The following MYO18B variants were observed in gnomAD, a reference collection of about 807,000 sequenced individuals.
The protein encoded by MYO18B is unconventional myosin-XVIIIb.
Under a neutral mutation model 273.0 loss-of-function variants are expected in MYO18B, and 204 were observed. The ratio of observed to expected loss-of-function variants is 0.75; its 90% confidence interval spans 0.67 to 0.84. The LOEUF (loss-of-function observed/expected upper bound fraction) is 0.84, where lower values mean the gene tolerates loss of function less well. MYO18B is among the 40% of genes least tolerant of loss of function. The probability of loss-of-function intolerance (pLI) is 0.00; values close to 1 mark genes in which losing one functional copy is unlikely to be tolerated. For missense variants in MYO18B, 3,212 were observed against 3,287.6 expected (o/e 0.98, Z 0.56); for synonymous variants, 1,330 against 1,305.7 (o/e 1.02, Z -0.40).
intron 1 of MYO18B, among the ~76,000 whole-genome samples, chr22:25,754,868 C>A (rs1374762098): frequency 1.3e-5 from 2 of 152,218 alleles, no homozygotes; most frequent in Admixed American, 6.5e-5. Flanking sequence ...TCTGGGAAGG[C>A]TGGCAGCCTC....
At chr22:25,911,086 A>G in intron 33 of MYO18B, 36 bp downstream of exon 33, 3 of 1,483,650 alleles carry the variant, frequency 2.0e-6, no homozygotes, top group African/African-American at 2.8e-5. Context: ...TCAGAGGAGT[A>G]TCTCAGGGAC....
rs1311050124 is a variant in MYO18B, at chr22:25,797,989, C to G, written c.2413C>G (p.Gln805Glu). The change falls in exon 12 of 44, where the codon CAG becomes GAG. Residue 805 changes from glutamine to glutamate, a missense_variant. Coordinates refer to ENST00000335473, the MANE Select transcript of MYO18B (RefSeq NM_032608.7). ...ACAGAAGGCGGCAGCTGCCTTTGCC[C>G]AGCTCCAGGGTGCCATGGAGATGCT... is the stretch of plus-strand genomic sequence containing the variant. ...DKQKAAAAFA[Q>E]LQGAMEMLGI... is the part of the protein sequence containing the mutation. 6.2e-7 allele frequency: 1 copy of G among 1,613,980 alleles called. No individual in the cohort carries two copies.
intron 37 of MYO18B, 148 bp downstream of exon 37, chr22:25,950,598 G>A: frequency 1.8e-6 from 1 of 571,110 alleles, no homozygotes; most frequent in South Asian, 3.4e-5. Flanking sequence ...TGAGACAAGA[G>A]TCTCACTCTG....
intron 36 of MYO18B, among the ~76,000 whole-genome samples, chr22:25,948,523 T>TTCCTTCCTTCCTTCCTTC (rs1569225706): frequency 6.2e-3 from 55 of 8,858 alleles, no homozygotes; most frequent in African/African-American, 0.011. Flanking sequence ...TTTCCTTCTT[T>TTCCTTCCTTCCTTCCTTC]CTTTCTTCCT....
chr22:25,778,473 T>C (rs1193080444), intron 8 of MYO18B, among the ~76,000 whole-genome samples: 1 of 151,948 alleles, frequency 6.6e-6, no homozygotes, highest in African/African-American at 2.4e-5. Context: ...CTAAGGATAC[T>C]AACTTTATTA....
At chr22:26,044,338 G>T in the MYO18B span, among the ~76,000 whole-genome samples, 1 of 152,024 alleles carries the variant, frequency 6.6e-6, no homozygotes, top group Non-Finnish European at 1.5e-5. Flanking sequence ...TGGTAAAGCC[G>T]GTTTATTATT....
intron 34 of MYO18B, among the ~76,000 whole-genome samples, chr22:25,944,306 C>A (rs2146572549): frequency 6.6e-6 from 1 of 152,274 alleles, no homozygotes; most frequent in South Asian, 2.1e-4. Context: ...TGAAATGGGC[C>A]CCCAGCCCTC....
At chr22:25,783,107 G>A (rs1429840031) in intron 10 of MYO18B, among the ~76,000 whole-genome samples, 2 of 152,204 alleles carry the variant, frequency 1.3e-5, no homozygotes, top group Non-Finnish European at 2.9e-5. Flanking sequence ...AATAGTGCCC[G>A]GACATAGCAA....
At chr22:26,038,770 C>G in the MYO18B span, among the ~76,000 whole-genome samples, 1 of 152,294 alleles carries the variant, frequency 6.6e-6, no homozygotes, top group East Asian at 1.9e-4. Context: ...GCGTGACTGA[C>G]CTTGTATCTT....
chr22:25,942,165 G>C (rs2092651756), intron 34 of MYO18B, among the ~76,000 whole-genome samples: 1 of 152,218 alleles, frequency 6.6e-6, no homozygotes, highest in African/African-American at 2.4e-5. Flanking sequence ...AGACGGTGCT[G>C]CTGGCAGAAG....
chr22:26,047,186 G>A, the MYO18B span, among the ~76,000 whole-genome samples: 12 of 150,686 alleles, frequency 8.0e-5, no homozygotes, highest in Non-Finnish European at 1.5e-4. Flanking sequence ...GAGTGTAGTG[G>A]CGTGATCTCG....
At chr22:25,940,543 TA>T (rs1688190567) in intron 34 of MYO18B, among the ~76,000 whole-genome samples, 1 of 152,202 alleles carries the variant, frequency 6.6e-6, no homozygotes, top group Non-Finnish European at 1.5e-5. Flanking sequence ...CACAGGCTCA[TA>T]GATGGAGGTA....
intron 21 of MYO18B, among the ~76,000 whole-genome samples, chr22:25,861,210 T>C (rs1401590678): frequency 1.3e-5 from 2 of 152,124 alleles, no homozygotes; most frequent in Non-Finnish European, 2.9e-5. Context: ...GTTTAATTGT[T>C]CTGTAAATTA....
chr22:25,976,144 G>A (rs560797150), intron 39 of MYO18B, among the ~76,000 whole-genome samples: 2 of 152,308 alleles, frequency 1.3e-5, no homozygotes, highest in South Asian at 4.1e-4. Flanking sequence ...GTAGAGGCCA[G>A]AGATGATGCT....
At chr22:25,983,836 C>T (rs537179797) in intron 39 of MYO18B, among the ~76,000 whole-genome samples, 1 of 152,364 alleles carries the variant, frequency 6.6e-6, no homozygotes, top group South Asian at 2.1e-4. Flanking sequence ...CTATTGAGGT[C>T]TCACTTCCCA....
At chr22:26,028,570 C>T (rs1936454808) in intron 43 of MYO18B, 1 of 152,198 alleles carries the variant, frequency 6.6e-6, no homozygotes, top group Admixed American at 6.5e-5. Flanking sequence ...TCCTAGCACT[C>T]ATCCTGCCAC....
intron 12 of MYO18B, among the ~76,000 whole-genome samples, chr22:25,817,272 C>T (rs2089062420): frequency 1.3e-5 from 2 of 149,286 alleles, no homozygotes; most frequent in South Asian, 4.2e-4. Context: ...TCTTTTTCTT[C>T]TCTTTGTCTC....
At chr22:25,899,688 C>T (rs2091890302) in intron 29 of MYO18B, 1 of 152,268 alleles carries the variant, frequency 6.6e-6, no homozygotes, top group Non-Finnish European at 1.5e-5. Flanking sequence ...CTTTCCACCT[C>T]CCTGTGGGTG....
chr22:26,043,818 T>C, the MYO18B span, among the ~76,000 whole-genome samples: 2 of 152,026 alleles, frequency 1.3e-5, no homozygotes, highest in Non-Finnish European at 2.9e-5. Flanking sequence ...CACCCGGCCT[T>C]CTTTTTTTCT....
Sources: gnomAD v4.1 joint callset for allele counts (sites outside exome capture counted in the v4.1 genomes callset) on GRCh38, gnomAD v4.1.1 for gene constraint, MANE v1.5 for transcripts, NCBI Gene and HGNC (gene_info 2026-07-23, HGNC 2026-07-21) for gene names.